JMJD1C: variants seen among roughly 807,000 people sequenced by gnomAD.
JMJD1C encodes the protein jumonji domain containing 1C, also known as jumonji domain-containing protein 1C.
A neutral mutation model predicts 245.3 loss-of-function variants in JMJD1C; 31 were observed. The observed-to-expected ratio is 0.13, with a 90% CI of 0.09 to 0.17. The LOEUF (loss-of-function observed/expected upper bound fraction) is 0.17, where lower values mean the gene tolerates loss of function less well. JMJD1C is among the 10% of genes least tolerant of loss of function. JMJD1C has a pLI of 1.00. For synonymous variants in JMJD1C, 1,057 were observed against 1,017.4 expected, an observed-to-expected ratio of 1.04 and a Z score of -0.74; for missense variants, 2,691 against 3,000.2, an observed-to-expected ratio of 0.90 and a Z score of 2.41.
chr10:63,339,138 C>T (rs1221094670), intron 2 of JMJD1C, among the ~76,000 whole-genome samples: 1 of 152,168 alleles, frequency 6.6e-6, no homozygotes, highest in Non-Finnish European at 1.5e-5. Context: ...CCTAACAGAT[C>T]TAGCCAGCCC....
At chr10:63,358,442 C>T (rs553767127) in intron 2 of JMJD1C, among the ~76,000 whole-genome samples, 3 of 151,364 alleles carry the variant, frequency 2.0e-5, no homozygotes, top group East Asian at 3.9e-4. Flanking sequence ...GTGTACCTGT[C>T]GTCCCAGCTA....
chr10:63,519,859 G>A (rs950371824), intron 1 of JMJD1C, among the ~76,000 whole-genome samples: 1 of 152,190 alleles, frequency 6.6e-6, no homozygotes, highest in African/African-American at 2.4e-5. Flanking sequence ...AGCTATTTCA[G>A]GACCTTTCAT....
At chr10:63,361,429 ATAAG>A (rs1945316521) in intron 2 of JMJD1C, among the ~76,000 whole-genome samples, 3 of 152,324 alleles carry the variant, frequency 2.0e-5, no homozygotes, top group South Asian at 2.1e-4. Context: ...GTCTCAATAA[ATAAG>A]TAAGTACATA....
rs1416754857 is a variant in JMJD1C at position 63,213,960 on chromosome 10, T to A, written c.2207A>T (p.His736Leu). The change falls in exon 8 of 26, where the codon CAT becomes CTT. Residue 736 changes from histidine to leucine, a missense_variant. Coordinates refer to ENST00000399262, the MANE Select transcript of JMJD1C (RefSeq NM_032776.3). ...ANHISPFLSQ[H>L]PFPLHSSSHR... ...AGATGAGGAGTGAAGAGGAAAAGGA[T>A]GCTGGCTTAGGAAAGGTGAAATATG... The A allele has an allele frequency of 6.2e-7, 1 of 1,614,066 alleles. No homozygotes were observed. Among genetic ancestry groups the A allele is most frequent in the Admixed American group, 1.7e-5 (1 of 60,012 alleles).
At chr10:63,241,606 C>T (rs902798492) in intron 3 of JMJD1C, among the ~76,000 whole-genome samples, 6 of 151,942 alleles carry the variant, frequency 3.9e-5, no homozygotes, top group Admixed American at 3.9e-4. Context: ...ACATCATTTT[C>T]TACTAATTTT....
At chr10:63,292,212 G>T (rs73292326) in intron 2 of JMJD1C, among the ~76,000 whole-genome samples, 19,641 of 131,668 alleles carry the variant, frequency 0.15, 3,134 homozygotes, top group African/African-American at 0.42. Context: ...TCCCACCTCA[G>T]CTTCCCATAG....
intron 2 of JMJD1C, among the ~76,000 whole-genome samples, chr10:63,339,024 AAT>A (rs1417525319): frequency 6.6e-6 from 1 of 152,186 alleles, no homozygotes; most frequent in Non-Finnish European, 1.5e-5. Flanking sequence ...AGAATGAGCA[AAT>A]ATGTTTTCTT....
chr10:63,246,464 A>G (rs1852214934), intron 3 of JMJD1C, among the ~76,000 whole-genome samples: 1 of 152,160 alleles, frequency 6.6e-6, no homozygotes, highest in South Asian at 2.1e-4. Context: ...AAAAACACTG[A>G]CATGCAAGAA....
intron 22 of JMJD1C, 58 bp downstream of exon 22, chr10:63,183,386 ATAC>A: frequency 6.9e-7 from 1 of 1,455,082 alleles, no homozygotes; most frequent in African/African-American, 1.4e-5. Flanking sequence ...ATTCTGGACA[ATAC>A]TAGTGAATGT....
At position 63,322,740 on chromosome 10, in the gene JMJD1C, T is replaced by C. The variant is rs371744664; in HGVS notation, c.333+57578A>G. On this transcript the variant is annotated intron_variant, in intron 2 of 25. Coordinates refer to ENST00000399262, the MANE Select transcript of JMJD1C (RefSeq NM_032776.3). The stretch of plus-strand genomic sequence containing the variant: ...ACTGCTTGAACCTGGAAGGCAGAGG[T>C]TGCAGTGAGCCAAGATCGCACCACT... Among the ~76,000 whole-genome samples, 3 of 143,008 alleles carry C rather than the reference T, an allele frequency of 2.1e-5. No individual in the cohort carries two copies. The East Asian group carries it at 6.2e-4, about 30-fold the overall frequency. 93.8% of individuals were successfully genotyped at this position (143,008 alleles called of 152,430 possible). A position where few individuals can be genotyped will look rare whatever the true frequency, so the allele number is the denominator to read the frequency against.
At chr10:63,519,833 A>G (rs1179477153) in intron 1 of JMJD1C, among the ~76,000 whole-genome samples, 1 of 152,192 alleles carries the variant, frequency 6.6e-6, no homozygotes, top group South Asian at 2.1e-4. Flanking sequence ...GAAAGTAGTA[A>G]AAGTAAAGGC....
At chr10:63,465,291 G>C in intron 1 of JMJD1C, 1 of 597,906 alleles carries the variant, frequency 1.7e-6, no homozygotes, top group Admixed American at 3.2e-5. Context: ...GTCCTGCTCC[G>C]ACACCACCTC....
At chr10:63,171,854 C>T (rs1842403710) in intron 24 of JMJD1C, among the ~76,000 whole-genome samples, 1 of 152,222 alleles carries the variant, frequency 6.6e-6, no homozygotes, top group African/African-American at 2.4e-5. Context: ...TAACAGTTTT[C>T]AGAACTTCTA....
intron 2 of JMJD1C, among the ~76,000 whole-genome samples, chr10:63,375,858 T>C (rs1303676050): frequency 2.6e-5 from 4 of 151,996 alleles, no homozygotes; most frequent in Non-Finnish European, 4.4e-5. Context: ...TTAAGATGTC[T>C]ACCACCCAGA....
intron 1 of JMJD1C, among the ~76,000 whole-genome samples, chr10:63,404,196 G>A (rs752247862): frequency 1.3e-5 from 2 of 152,102 alleles, no homozygotes; most frequent in Non-Finnish European, 2.9e-5. Context: ...GATCAAGACT[G>A]CACTGTAATG....
intron 2 of JMJD1C, among the ~76,000 whole-genome samples, chr10:63,321,653 A>G (rs1415350236): frequency 6.6e-6 from 1 of 152,204 alleles, no homozygotes; most frequent in Non-Finnish European, 1.5e-5. Flanking sequence ...GAGGTAGGGA[A>G]GCAAAAGTTC....
chr10:63,463,303 C>A (rs1370376069), intron 1 of JMJD1C, among the ~76,000 whole-genome samples: 1 of 152,078 alleles, frequency 6.6e-6, no homozygotes, highest in African/African-American at 2.4e-5. Flanking sequence ...GTAGATGGAA[C>A]CACAGGCATT....
intron 1 of JMJD1C, among the ~76,000 whole-genome samples, chr10:63,440,254 G>C (rs1429012254): frequency 6.6e-6 from 1 of 151,632 alleles, no homozygotes; most frequent in Non-Finnish European, 1.5e-5. Flanking sequence ...AGAATCGCTT[G>C]AACCTGGGAG....
chr10:63,286,780 C>G (rs569572266), intron 2 of JMJD1C, among the ~76,000 whole-genome samples: 1 of 152,158 alleles, frequency 6.6e-6, no homozygotes, highest in Non-Finnish European at 1.5e-5. Flanking sequence ...GCTAAATCAG[C>G]ACCCTGGGAA....
Sources: gnomAD v4.1 joint callset for allele counts (sites outside exome capture counted in the v4.1 genomes callset) on GRCh38, gnomAD v4.1.1 for gene constraint, MANE v1.5 for transcripts, NCBI Gene and HGNC (gene_info 2026-07-23, HGNC 2026-07-21) for gene names.